TTLL1: variants seen among roughly 807,000 people sequenced by gnomAD.
TTLL1 encodes the protein TTL family tubulin polyglutamylase complex subunit L1, also known as polyglutamylase complex subunit TTLL1.
A neutral mutation model predicts 47.8 loss-of-function variants in TTLL1; 33 were observed. The observed-to-expected ratio is 0.69, with a 90% CI of 0.52 to 0.92. The LOEUF is 0.92. Among genes scored for constraint, TTLL1 ranks in the 40% least tolerant of loss-of-function variants. TTLL1 has a pLI of 0.00. For synonymous variants in TTLL1, 225 were observed against 214.1 expected (o/e 1.05, Z -0.45); for missense variants, 488 against 547.5 (o/e 0.89, Z 1.08).
intron 10 of TTLL1, among the ~76,000 whole-genome samples, chr22:43,043,875 C>T (rs1925894838): frequency 6.6e-6 from 1 of 152,080 alleles, no homozygotes; most frequent in South Asian, 2.1e-4. Context: ...GAGCCAGGCT[C>T]CTAGTTCATG....
In TTLL1 at chr22:43,065,098, T is replaced by A. The variant is rs1193939677; in HGVS notation, c.504-774A>T. Among the ~76,000 whole-genome samples, 3 of 151,474 alleles carry A rather than the reference T, an allele frequency of 2.0e-5. No homozygotes were observed. The East Asian group carries it at 5.9e-4, about 30-fold the overall frequency. ...AGGCAGAGTTTGCAGTGAACCAAGA[T>A]CCTGCCACCGCACTCCAGCCTGGGC... is the stretch of plus-strand genomic sequence containing the variant. On this transcript the variant is annotated intron_variant, in intron 5 of 10. Coordinates refer to ENST00000266254, the MANE Select transcript of TTLL1 (RefSeq NM_012263.5).
intron 4 of TTLL1, 50 bp from the exon 5 acceptor site, chr22:43,068,640 C>T: frequency 2.2e-6 from 3 of 1,369,444 alleles, no homozygotes; most frequent in South Asian, 2.1e-5. Flanking sequence ...CCAACAGTGG[C>T]CATGAACAGA....
chr22:43,072,247 G>A (rs1201883897), intron 3 of TTLL1, among the ~76,000 whole-genome samples: 2 of 148,408 alleles, frequency 1.3e-5, no homozygotes, highest in African/African-American at 5.0e-5. Context: ...TCCGCCTCCC[G>A]GGTTCACGCC....
At position 43,069,743 on chromosome 22, in the gene TTLL1, G is replaced by A. The variant is rs1927989945; in HGVS notation, c.215C>T (p.Thr72Ile). The A allele has an allele frequency of 1.9e-6, 3 of 1,614,144 alleles. No homozygotes were observed. The highest frequency in any genetic ancestry group is 1.7e-6 in the Non-Finnish European group (2 of 1,180,036). ...VNHFPNHYEL[T>I]RKDLMVKNIK... ...GTTCTTCACCATCAGGTCCTTCCGG[G>A]TCAGTTCATAGTGGTTTGGAAAATG... The change falls in exon 4 of 11, where the codon ACC becomes ATC. Residue 72 changes from threonine to isoleucine, a missense_variant. Coordinates refer to ENST00000266254, the MANE Select transcript of TTLL1 (RefSeq NM_012263.5).
intron 4 of TTLL1, among the ~76,000 whole-genome samples, chr22:43,069,075 G>A (rs993699528): frequency 1.3e-5 from 2 of 151,870 alleles, no homozygotes; most frequent in African/African-American, 4.8e-5. Context: ...GCATCCTCTG[G>A]CTTACACAAA....
chr22:43,073,021 C>CT (rs907361570), intron 3 of TTLL1, among the ~76,000 whole-genome samples: 180 of 144,976 alleles, frequency 1.2e-3, no homozygotes, highest in East Asian at 3.0e-3. Flanking sequence ...TGCAATTATT[C>CT]TTTTTTTTTT....
chr22:43,063,369 T>C (rs527628899), intron 7 of TTLL1, among the ~76,000 whole-genome samples: 2 of 152,136 alleles, frequency 1.3e-5, no homozygotes, highest in African/African-American at 4.8e-5. Flanking sequence ...GTCCCATCAG[T>C]GCCGGACCTT....
intron 9 of TTLL1, among the ~76,000 whole-genome samples, chr22:43,049,601 C>CAAAAAA (rs34707208): frequency 9.5e-6 from 1 of 105,446 alleles, no homozygotes; most frequent in African/African-American, 3.6e-5. Context: ...CCCATCTCCA[C>CAAAAAA]AAAAAAAAAA....
chr22:43,074,883 A>G (rs969926127), intron 3 of TTLL1, among the ~76,000 whole-genome samples: 2 of 151,912 alleles, frequency 1.3e-5, no homozygotes, highest in Non-Finnish European at 2.9e-5. Flanking sequence ...CTACAAAAAA[A>G]GAAAAAAATG....
chr22:43,074,335 G>A lies in TTLL1; in HGVS notation c.113+1139C>T, dbSNP rs560466250. Among the ~76,000 whole-genome samples, 317 of 150,570 alleles carry A rather than the reference G, an allele frequency of 2.1e-3. 1 individual carries two copies. Among genetic ancestry groups the A allele is most frequent in the Non-Finnish European group, 3.6e-3 (242 of 67,854 alleles). ...CCAGCTACTAGGGAGGCTAAGGCAG[G>A]AGAATCGCTTGAACCCAGGAGGTGG... On this transcript the variant is annotated intron_variant, in intron 3 of 10. Coordinates refer to ENST00000266254, the MANE Select transcript of TTLL1 (RefSeq NM_012263.5).
intron 8 of TTLL1, among the ~76,000 whole-genome samples, chr22:43,058,165 C>T (rs565783258): frequency 7.2e-5 from 11 of 152,008 alleles, no homozygotes; most frequent in African/African-American, 2.4e-4. Context: ...AGGATGGTCT[C>T]GATCTCCTGA....
chr22:43,082,318 T>TCAGTCAAGCC (rs1366207406), intron 1 of TTLL1, among the ~76,000 whole-genome samples: 1 of 152,182 alleles, frequency 6.6e-6, no homozygotes, highest in Non-Finnish European at 1.5e-5. Context: ...GGCTCTGTCC[T>TCAGTCAAGCC]CAGTCAAGCC....
rs1329365115 is a variant in TTLL1, at chr22:43,046,577, TG to T, written c.979-5del. 1 of 1,613,130 alleles carries T rather than the reference TG, an allele frequency of 6.2e-7. No individual in the cohort carries two copies. Among genetic ancestry groups the T allele is most frequent in the African/African-American group, 1.3e-5 (1 of 74,908 alleles). On this transcript the variant is annotated splice_region_variant and splice_polypyrimidine_tract_variant and intron_variant, in intron 9 of 10. Coordinates refer to ENST00000266254, the MANE Select transcript of TTLL1 (RefSeq NM_012263.5). ...TGAGAGACGGGGACGCATTCACCTG[TG>T]AGATGAAAGACCCATGTTCCTCACC...
chr22:43,062,209 T>C (rs1385255394), intron 7 of TTLL1, among the ~76,000 whole-genome samples: 1 of 152,082 alleles, frequency 6.6e-6, no homozygotes, highest in Non-Finnish European at 1.5e-5. Flanking sequence ...GAAAGTAGAT[T>C]TGGCCGGGCG....
At chr22:43,084,962 CTTT>C (rs148980685) in intron 1 of TTLL1, among the ~76,000 whole-genome samples, 3 of 112,732 alleles carry the variant, frequency 2.7e-5, no homozygotes, top group African/African-American at 7.5e-5. Context: ...AAGCTGCCAC[CTTT>C]TTTTTTTTTT....
Position 43,069,816 on chromosome 22 carries a change from A to C in TTLL1, c.142T>G (p.Phe48Val), listed in dbSNP as rs1221330143. 1 of 1,614,068 alleles carries C rather than the reference A, an allele frequency of 6.2e-7. No individual in the cohort carries two copies. Among genetic ancestry groups the C allele is most frequent in the Non-Finnish European group, 8.5e-7 (1 of 1,180,046 alleles). ...WMSVQTIRNV[F>V]SVEAGYRLSD... ...AGCCGATATCCAGCTTCAACGCTGA[A>C]CACATTTCGGATGGTTTGCACACTC... Residue 48 changes from phenylalanine (F) to valine (V), a missense_variant, in exon 4 of 11, where the codon TTC (phenylalanine) becomes GTC (valine). Transcript: ENST00000266254.
At chr22:43,042,209 T>A (rs949006567) in intron 10 of TTLL1, among the ~76,000 whole-genome samples, 22 of 152,140 alleles carry the variant, frequency 1.4e-4, no homozygotes, top group African/African-American at 5.3e-4. Context: ...ATCTACTGAA[T>A]GAATGGAGAA....
intron 6 of TTLL1, 56 bp from the exon 7 acceptor site, chr22:43,063,977 C>CCA: frequency 6.4e-7 from 1 of 1,562,802 alleles, no homozygotes; most frequent in Non-Finnish European, 8.8e-7. Flanking sequence ...AGAAAAGACA[C>CCA]CACTTCATTC....
At chr22:43,067,824 A>G (rs1222130296) in intron 5 of TTLL1, among the ~76,000 whole-genome samples, 1 of 151,678 alleles carries the variant, frequency 6.6e-6, no homozygotes, top group East Asian at 2.0e-4. Flanking sequence ...TCTTTTTTTT[A>G]GACAGAATCT....
Sources: gnomAD v4.1 joint callset for allele counts (sites outside exome capture counted in the v4.1 genomes callset) on GRCh38, gnomAD v4.1.1 for gene constraint, MANE v1.5 for transcripts, NCBI Gene and HGNC (gene_info 2026-07-23, HGNC 2026-07-21) for gene names.